Variants in CAPN9 observed in about 807,000 individuals in gnomAD.
CAPN9 encodes calpain 9.
A neutral mutation model predicts 92.8 loss-of-function variants in CAPN9; 81 were observed. The ratio of observed to expected loss-of-function variants is 0.87; its 90% CI spans 0.73 to 1.05. CAPN9 has a LOEUF of 1.05. Ranked by LOEUF, CAPN9 falls within the 50% of genes least tolerant of loss-of-function variation. CAPN9 has a pLI of 0.00. For missense variants in CAPN9, 848 were observed against 866.2 expected (o/e 0.98, Z 0.26); for synonymous variants, 304 against 328.0 (o/e 0.93, Z 0.79).
intron 13 of CAPN9, among the ~76,000 whole-genome samples, chr1:230,788,381 T>C (rs1667754036): frequency 1.3e-5 from 2 of 152,176 alleles, no homozygotes. Flanking sequence ...AGATCCAGGC[T>C]CTTCCTCCAC....
Position 230,747,411 on chromosome 1 carries a change from T to C in CAPN9, c.-86T>C. 1.7e-6 allele frequency: 2 copies of C among 1,211,762 alleles called. No individual in the cohort carries two copies. Among genetic ancestry groups the C allele is most frequent in the East Asian group, 2.3e-5 (1 of 42,972 alleles). The allele number at this position is 1,211,762 out of a possible 1,614,324, so 75.1% of individuals were successfully genotyped here. On this transcript the variant is annotated 5_prime_UTR_variant, in exon 1 of 20. Transcript: ENST00000271971. ...TCAGCCCAGTGGCCCTCTGAGCTGTTCCTTCTTGACCGGCACACACAGCTC... is the reference window on the plus strand; with the variant it reads ...TCAGCCCAGTGGCCCTCTGAGCTGTCCCTTCTTGACCGGCACACACAGCTC...
Position 230,774,438 on chromosome 1 carries a change from G to A in CAPN9, c.876-116G>A, listed in dbSNP as rs1047133599. 2.5e-5 allele frequency: 18 copies of A among 720,464 alleles called. No individual in the cohort carries two copies. In the African/African-American group the frequency reaches 3.1e-4, roughly 12 times the overall value. The allele number at this position is 720,464 out of a possible 1,614,324, so 44.6% of individuals were successfully genotyped here. A position where few individuals can be genotyped will look rare whatever the true frequency, so the allele number is the denominator to read the frequency against. On this transcript the variant is annotated intron_variant, in intron 7 of 19. Transcript: ENST00000271971. ...TGGGTGCATTTTTGGGACCCAGTGA[G>A]TAGTTACTAAGCAGGTCTTATTTCC...
At chr1:230,801,524 G>A (rs1668724437) in intron 19 of CAPN9, 46 bp from the exon 20 acceptor site, 1 of 1,600,996 alleles carries the variant, frequency 6.2e-7, no homozygotes, top group Admixed American at 1.7e-5. Flanking sequence ...GGCTGGAAGG[G>A]ACATGGAAGG....
chr1:230,773,546 C>A (rs927770822), intron 7 of CAPN9, among the ~76,000 whole-genome samples: 2 of 152,164 alleles, frequency 1.3e-5, no homozygotes, highest in Non-Finnish European at 2.9e-5. Context: ...CATGCAGCCT[C>A]CATGGGTGAT....
At chr1:230,792,522 T>A (rs1437236887) in intron 16 of CAPN9, 28 bp downstream of exon 16, 1 of 1,579,010 alleles carries the variant, frequency 6.3e-7, no homozygotes, top group South Asian at 1.1e-5. Context: ...GGGCTTGGCC[T>A]CTGGGGGACC....
chr1:230,777,791 C>T (rs547898697), intron 8 of CAPN9, among the ~76,000 whole-genome samples: 1 of 152,182 alleles, frequency 6.6e-6, no homozygotes, highest in South Asian at 2.1e-4. Context: ...GGACCACACG[C>T]CCTGGTGGTC....
At chr1:230,780,833 G>A (rs553155806) in intron 11 of CAPN9, 125 bp downstream of exon 11, 1 of 659,678 alleles carries the variant, frequency 1.5e-6, no homozygotes, top group East Asian at 2.7e-5. Context: ...TGAGAAACAA[G>A]GCAGGATGGT....
chr1:230,771,508 T>C (rs1281525758), intron 6 of CAPN9, among the ~76,000 whole-genome samples: 2 of 152,240 alleles, frequency 1.3e-5, no homozygotes, highest in Admixed American at 6.5e-5. Flanking sequence ...TTGTTTATTG[T>C]TGTGTTTAAA....
intron 5 of CAPN9, among the ~76,000 whole-genome samples, chr1:230,767,953 G>A (rs955674821): frequency 6.7e-6 from 1 of 149,626 alleles, no homozygotes; most frequent in Non-Finnish European, 1.5e-5. Flanking sequence ...ACATGGCACA[G>A]GTATACATAT....
chr1:230,776,897 T>C (rs546593935), intron 8 of CAPN9: 1 of 152,370 alleles, frequency 6.6e-6, no homozygotes, highest in South Asian at 2.1e-4. Flanking sequence ...GGTCCTGTGC[T>C]GATGACTGCC....
chr1:230,800,499 G>T (rs763622664), intron 19 of CAPN9, among the ~76,000 whole-genome samples: 13 of 152,114 alleles, frequency 8.5e-5, no homozygotes, highest in Non-Finnish European at 1.5e-4. Context: ...GCAGTGTGGA[G>T]GAAGTATTCC....
intron 3 of CAPN9, 114 bp downstream of exon 3, chr1:230,759,744 C>T (rs1045642708): frequency 2.8e-5 from 18 of 650,174 alleles, no homozygotes; most frequent in Non-Finnish European, 4.8e-5. Context: ...ATCTGTGTGA[C>T]ATATGGTCCT....
At chr1:230,796,798 G>A (rs2102941057) in intron 18 of CAPN9, among the ~76,000 whole-genome samples, 1 of 152,290 alleles carries the variant, frequency 6.6e-6, no homozygotes, top group African/African-American at 2.4e-5. Context: ...CCACCCAGGT[G>A]TAATCCTTCC....
intron 19 of CAPN9, among the ~76,000 whole-genome samples, chr1:230,798,749 C>T (rs1428743184): frequency 2.6e-5 from 4 of 152,202 alleles, no homozygotes; most frequent in African/African-American, 9.7e-5. Flanking sequence ...CAATCACCCT[C>T]TCCCCAGAGG....
rs1392159635 is a variant in CAPN9, at chr1:230,747,550, C to T, written c.54C>T (p.Asp18=). Residue 18 remains aspartate, a synonymous_variant, in exon 1 of 20, where the codon GAC becomes GAT. Transcript: ENST00000271971. ...PGPQAHPVPK[D]ARITHSSGQS... is the part of the protein sequence containing the mutation. ...CTCAGGCACACCCGGTTCCCAAGGA[C>T]GCCCGGATCACCCACTCCTCAGGCC... 9.9e-6 allele frequency: 16 copies of T among 1,614,070 alleles called. No individual in the cohort carries two copies. Among genetic ancestry groups the T allele is most frequent in the East Asian group, 6.7e-5 (3 of 44,892 alleles).
intron 8 of CAPN9, 32 bp from the exon 9 acceptor site, chr1:230,778,941 C>T (rs1667019328): frequency 1.3e-6 from 2 of 1,596,118 alleles, no homozygotes; most frequent in East Asian, 4.5e-5. Flanking sequence ...CTCTTGCCCT[C>T]CTGTGCATCG....
At chr1:230,784,009 T>C (rs1378450329) in intron 11 of CAPN9, among the ~76,000 whole-genome samples, 2 of 152,178 alleles carry the variant, frequency 1.3e-5, no homozygotes, top group African/African-American at 4.8e-5. Flanking sequence ...CTTGGCTGAA[T>C]TGTGTCCATG....
chr1:230,794,217 C>T (rs769048432), intron 17 of CAPN9, among the ~76,000 whole-genome samples: 1 of 152,130 alleles, frequency 6.6e-6, no homozygotes, highest in Non-Finnish European at 1.5e-5. Context: ...GGTGTGGTGG[C>T]TCACACCTGT....
chr1:230,766,652 A>G (rs958257961), intron 4 of CAPN9, among the ~76,000 whole-genome samples: 16 of 152,218 alleles, frequency 1.1e-4, no homozygotes, highest in African/African-American at 3.1e-4. Context: ...GGTAAAAACT[A>G]AAGAAGCCCA....
Sources: allele counts gnomAD v4.1 joint callset (sites outside exome capture counted in the v4.1 genomes callset), GRCh38; gene constraint gnomAD v4.1.1; transcripts MANE v1.5; gene names NCBI Gene and HGNC (gene_info 2026-07-23, HGNC 2026-07-21).